PLXDC2: variants seen among roughly 807,000 people sequenced by gnomAD.
The protein encoded by PLXDC2 is plexin domain containing 2.
Under a neutral mutation model 68.9 loss-of-function variants are expected in PLXDC2, and 40 were observed. The ratio of observed to expected loss-of-function variants is 0.58; its 90% CI spans 0.45 to 0.76. The LOEUF (loss-of-function observed/expected upper bound fraction) is 0.76. PLXDC2 is among the 30% of genes least tolerant of loss of function. The pLI is 0.00. For synonymous variants in PLXDC2, 243 were observed against 234.2 expected (o/e 1.04, Z -0.34); for missense variants, 644 against 661.9 (o/e 0.97, Z 0.30).
intron 4 of PLXDC2, among the ~76,000 whole-genome samples, chr10:20,083,161 A>G (rs900030680): frequency 2.6e-4 from 40 of 152,188 alleles, no homozygotes; most frequent in African/African-American, 9.2e-4. Flanking sequence ...AATTTTCACA[A>G]TCATCTGTGC....
At chr10:20,214,285 T>A (rs1835107820) in intron 10 of PLXDC2, among the ~76,000 whole-genome samples, 1 of 151,990 alleles carries the variant, frequency 6.6e-6, no homozygotes, top group Non-Finnish European at 1.5e-5. Flanking sequence ...AGACAGCTAT[T>A]TTTTTTTCTT....
intron 10 of PLXDC2, among the ~76,000 whole-genome samples, chr10:20,216,527 G>A (rs919260662): frequency 6.6e-6 from 1 of 152,076 alleles, no homozygotes; most frequent in African/African-American, 2.4e-5. Flanking sequence ...ATTAACAAGG[G>A]GAAAGGCACC....
At chr10:19,994,457 T>A (rs1220622656) in intron 1 of PLXDC2, among the ~76,000 whole-genome samples, 2 of 150,598 alleles carry the variant, frequency 1.3e-5, no homozygotes, top group Admixed American at 1.3e-4. Flanking sequence ...GCCTCCCACA[T>A]AGCTGGGACT....
intron 4 of PLXDC2, among the ~76,000 whole-genome samples, chr10:20,072,571 A>T (rs1356777309): frequency 6.8e-6 from 1 of 146,326 alleles, no homozygotes; most frequent in East Asian, 2.0e-4. Context: ...GAAAGGAAGA[A>T]ATCTAGATGA....
At chr10:19,929,578 T>C (rs1323063787) in intron 1 of PLXDC2, among the ~76,000 whole-genome samples, 1 of 152,220 alleles carries the variant, frequency 6.6e-6, no homozygotes, top group African/African-American at 2.4e-5. Flanking sequence ...TCCTTCTGAC[T>C]TGGAAGCTAT....
intron 4 of PLXDC2, among the ~76,000 whole-genome samples, chr10:20,082,070 A>AAAAAAACAAC (rs1554765384): frequency 8.2e-6 from 1 of 121,932 alleles, no homozygotes; most frequent in Non-Finnish European, 1.8e-5. Context: ...AAATCAAAAA[A>AAAAAAACAAC]AAAAAACAGG....
intron 6 of PLXDC2, 74 bp from the exon 7 acceptor site, chr10:20,164,394 G>T: frequency 8.5e-7 from 1 of 1,172,128 alleles, no homozygotes; most frequent in East Asian, 2.4e-5. Flanking sequence ...CATGAAACAA[G>T]AGGATCCTAC....
chr10:20,169,017 A>G (rs963949820), intron 7 of PLXDC2, among the ~76,000 whole-genome samples: 1 of 152,134 alleles, frequency 6.6e-6, no homozygotes, highest in Non-Finnish European at 1.5e-5. Context: ...ACACTGTTAA[A>G]TATCTGTCTA....
intron 6 of PLXDC2, among the ~76,000 whole-genome samples, chr10:20,148,382 T>C (rs7097590): frequency 0.91 from 138,841 of 152,020 alleles, 63,552 homozygotes; most frequent in Non-Finnish European, 0.94. Context: ...AGTTCTAGGA[T>C]GGCTGTGCTT....
At chr10:20,095,454 G>A (rs1028905558) in intron 4 of PLXDC2, among the ~76,000 whole-genome samples, 2 of 152,124 alleles carry the variant, frequency 1.3e-5, no homozygotes, top group Non-Finnish European at 2.9e-5. Context: ...GTGTTTAAAA[G>A]GAGCATACAT....
chr10:20,070,880 A>C (rs561203836), intron 4 of PLXDC2: 1 of 152,264 alleles, frequency 6.6e-6, no homozygotes, highest in Non-Finnish European at 1.5e-5. Context: ...GATTTCTCCT[A>C]GCGGAACTGG....
intron 4 of PLXDC2, among the ~76,000 whole-genome samples, chr10:20,080,399 C>T (rs922361377): frequency 1.3e-5 from 2 of 152,128 alleles, no homozygotes; most frequent in Non-Finnish European, 2.9e-5. Context: ...CCAGTATGAA[C>T]CCCCAAACCT....
chr10:20,269,324 G>A (rs1835907556), intron 13 of PLXDC2, among the ~76,000 whole-genome samples: 1 of 151,996 alleles, frequency 6.6e-6, no homozygotes, highest in African/African-American at 2.4e-5. Flanking sequence ...AGGCCAAACA[G>A]CCACATAAGA....
At chr10:20,166,338 T>G (rs982160906) in intron 7 of PLXDC2, among the ~76,000 whole-genome samples, 5 of 152,086 alleles carry the variant, frequency 3.3e-5, no homozygotes, top group Non-Finnish European at 4.4e-5. Flanking sequence ...AGCTGAGAAT[T>G]TGTGGGAGGC....
At chr10:20,166,329 G>A (rs950837800) in intron 7 of PLXDC2, among the ~76,000 whole-genome samples, 1 of 152,126 alleles carries the variant, frequency 6.6e-6, no homozygotes, top group African/African-American at 2.4e-5. Flanking sequence ...CTCCTTGTTA[G>A]CTGAGAATTT....
At position 20,003,952 on chromosome 10, in the gene PLXDC2, G is replaced by C. The variant is rs77850616; in HGVS notation, c.324+1966G>C. On this transcript the variant is annotated intron_variant, in intron 2 of 13. Transcript: ENST00000377252. ...TCGTCACGTACGGTCTGCTCATTGC[G>C]TGCTGGTACATTCTTTCTCAACCTG... 3.5e-3 allele frequency among the ~76,000 whole-genome samples: 527 copies of C among 152,156 alleles called. 4 individuals are homozygous for C. Among genetic ancestry groups the C allele is most frequent in the Non-Finnish European group, 4.1e-3 (277 of 68,012 alleles).
chr10:20,019,191 G>T (rs921620507), intron 2 of PLXDC2, among the ~76,000 whole-genome samples: 1 of 152,146 alleles, frequency 6.6e-6, no homozygotes, highest in Admixed American at 6.6e-5. Context: ...TGTTTTAGGG[G>T]CAAACTTTGA....
intron 1 of PLXDC2, among the ~76,000 whole-genome samples, chr10:19,966,808 A>AT (rs142987623): frequency 1.3e-4 from 19 of 151,110 alleles, no homozygotes; most frequent in African/African-American, 2.2e-4. Flanking sequence ...TCGCGTTACC[A>AT]TTTTTTTTTT....
intron 6 of PLXDC2, among the ~76,000 whole-genome samples, chr10:20,154,780 T>G (rs1834196900): frequency 6.6e-6 from 1 of 151,924 alleles, no homozygotes; most frequent in Admixed American, 6.6e-5. Flanking sequence ...AACTGCAAAC[T>G]CGGGTTCTTT....
Sources: gnomAD v4.1 joint callset for allele counts (sites outside exome capture counted in the v4.1 genomes callset) on GRCh38, gnomAD v4.1.1 for gene constraint, MANE v1.5 for transcripts, NCBI Gene and HGNC (gene_info 2026-07-23, HGNC 2026-07-21) for gene names.